GPHN: variants seen among roughly 807,000 people sequenced by gnomAD.
GPHN encodes gephyrin.
GPHN carries 17 observed loss-of-function variants against 95.5 expected under a neutral mutation model. The observed-to-expected ratio is 0.18, with a 90% CI of 0.12 to 0.27. GPHN has a LOEUF of 0.27. Among genes scored for constraint, GPHN ranks in the 10% least tolerant of loss-of-function variants. GPHN has a pLI of 1.00. For missense variants in GPHN, 660 were observed against 978.1 expected, an observed-to-expected ratio of 0.67 and a Z score of 4.34; for synonymous variants, 320 against 322.5, an observed-to-expected ratio of 0.99 and a Z score of 0.08.
chr14:66,572,459 A>G (rs954604744), intron 1 of GPHN, among the ~76,000 whole-genome samples: 6 of 149,980 alleles, frequency 4.0e-5, no homozygotes, highest in Non-Finnish European at 8.9e-5. Context: ...AGATTTTTCA[A>G]TTCCTTGGTT....
At chr14:67,430,201 G>T in the GPHN span, among the ~76,000 whole-genome samples, 1 of 152,172 alleles carries the variant, frequency 6.6e-6, no homozygotes, top group Admixed American at 6.5e-5. Context: ...AAACCACAGA[G>T]CTTGGATGAC....
chr14:67,338,822 A>G, the GPHN span: 2 of 1,472,684 alleles, frequency 1.4e-6, no homozygotes, highest in Non-Finnish European at 9.2e-7. Context: ...AGTAGATTTG[A>G]TTTCTTTGAG....
chr14:67,661,136 C>T, the GPHN span, among the ~76,000 whole-genome samples: 59 of 152,124 alleles, frequency 3.9e-4, no homozygotes, highest in African/African-American at 1.4e-3. Context: ...TCTCCATCTG[C>T]TCTCGGGTAG....
chr14:66,905,200 T>C (rs1256436217), intron 5 of GPHN, among the ~76,000 whole-genome samples: 1 of 152,140 alleles, frequency 6.6e-6, no homozygotes, highest in Non-Finnish European at 1.5e-5. Flanking sequence ...CTTGATCCAT[T>C]CTACTGTTGA....
rs114035377 is a variant in GPHN, at chr14:67,120,301, T to C, written c.1627-1955T>C. ...ATCATTCCCAAGATGACTGGAAGTA[T>C]AACAGAAAATAAGATTCAGTTTTAA... On this transcript the variant is annotated intron_variant, in intron 16 of 22. Coordinates refer to ENST00000478722, the MANE Select transcript of GPHN (RefSeq NM_020806.5). 2.6e-3 allele frequency among the ~76,000 whole-genome samples: 401 copies of C among 152,328 alleles called. 10 individuals are homozygous for C. Among genetic ancestry groups the C allele is most frequent in the East Asian group, 0.017 (90 of 5,194 alleles).
At chr14:67,149,829 T>C (rs2081143243) in intron 18 of GPHN, among the ~76,000 whole-genome samples, 1 of 152,118 alleles carries the variant, frequency 6.6e-6, no homozygotes, top group South Asian at 2.1e-4. Flanking sequence ...TACACCTTAG[T>C]GTAGCAAAGA....
At chr14:67,330,880 T>A in the GPHN span, among the ~76,000 whole-genome samples, 3 of 152,216 alleles carry the variant, frequency 2.0e-5, no homozygotes, top group African/African-American at 2.4e-5. Flanking sequence ...CCCTGAAAGA[T>A]GTCAGTCTTT....
the GPHN span, among the ~76,000 whole-genome samples, chr14:67,348,339 G>T: frequency 6.6e-6 from 1 of 151,980 alleles, no homozygotes; most frequent in East Asian, 1.9e-4. Flanking sequence ...CAAAGCACTG[G>T]GATTACAGGT....
At chr14:67,485,464 T>C in the GPHN span, among the ~76,000 whole-genome samples, 1 of 152,330 alleles carries the variant, frequency 6.6e-6, no homozygotes, top group African/African-American at 2.4e-5. Context: ...AAGACCTGAT[T>C]ACCCCTTTTC....
chr14:67,395,789 CT>C, the GPHN span, among the ~76,000 whole-genome samples: 1 of 152,182 alleles, frequency 6.6e-6, no homozygotes, highest in Admixed American at 6.5e-5. Context: ...CAGCCTTTCC[CT>C]TGTGGACAAG....
At chr14:67,122,233 G>A (rs913625873) in intron 16 of GPHN, 23 bp from the exon 17 acceptor site, 9 of 1,611,142 alleles carry the variant, frequency 5.6e-6, no homozygotes, top group Middle Eastern at 1.6e-4. Context: ...AGAATAATTT[G>A]TGGTGGTTTT....
At chr14:67,385,455 A>ACC in the GPHN span, 3 of 143,090 alleles carry the variant, frequency 2.1e-5, no homozygotes, top group East Asian at 4.4e-4. Context: ...AAAAAAAAAA[A>ACC]ACCAAAAATC....
At chr14:67,138,877 G>A (rs1433654831) in intron 17 of GPHN, among the ~76,000 whole-genome samples, 1 of 135,338 alleles carries the variant, frequency 7.4e-6, no homozygotes, top group African/African-American at 2.8e-5. Context: ...TCTTGCCACA[G>A]CATCCTCTCC....
the GPHN span, among the ~76,000 whole-genome samples, chr14:67,672,292 T>A: frequency 6.6e-6 from 1 of 151,562 alleles, no homozygotes; most frequent in African/African-American, 2.4e-5. Context: ...CTAATTTTTT[T>A]ATTTTTTGTA....
chr14:67,042,278 G>C (rs989192653), intron 10 of GPHN, among the ~76,000 whole-genome samples: 1 of 151,962 alleles, frequency 6.6e-6, no homozygotes, highest in Non-Finnish European at 1.5e-5. Context: ...ATTTCTTTTG[G>C]TGTTTTAGAC....
the GPHN span, among the ~76,000 whole-genome samples, chr14:67,621,897 G>A: frequency 2.5e-3 from 386 of 151,520 alleles, 2 homozygotes; most frequent in African/African-American, 8.7e-3. Flanking sequence ...AGGAGTTCGA[G>A]ACCAGCCTGA....
chr14:66,935,424 A>G (rs888046583), intron 8 of GPHN, among the ~76,000 whole-genome samples: 2 of 150,972 alleles, frequency 1.3e-5, no homozygotes, highest in Non-Finnish European at 3.0e-5. Flanking sequence ...TATCCATATC[A>G]TTTGTATATA....
chr14:67,352,948 C>T, the GPHN span: 10 of 1,611,808 alleles, frequency 6.2e-6, no homozygotes, highest in South Asian at 2.2e-5. Flanking sequence ...TAGGATCTGT[C>T]GAAATCGAAG....
At chr14:66,992,700 G>A (rs886618555) in intron 9 of GPHN, among the ~76,000 whole-genome samples, 2 of 151,964 alleles carry the variant, frequency 1.3e-5, no homozygotes, top group Non-Finnish European at 2.9e-5. Context: ...GAGTTAATGC[G>A]ATAACTCAGA....
Sources: gnomAD v4.1 joint callset for allele counts (sites outside exome capture counted in the v4.1 genomes callset) on GRCh38, gnomAD v4.1.1 for gene constraint, MANE v1.5 for transcripts, NCBI Gene and HGNC (gene_info 2026-07-23, HGNC 2026-07-21) for gene names.